The following ZNF208 variants were observed in gnomAD, a reference collection of about 807,000 sequenced individuals.
ZNF208 encodes the protein zinc finger protein 95.
In ZNF208, 10 loss-of-function variants were observed where a neutral mutation model predicts 12.1. That is an observed-to-expected ratio of 0.83 (90% CI 0.51 to 1.40). The LOEUF (loss-of-function observed/expected upper bound fraction) is 1.40, where lower values mean the gene tolerates loss of function less well. Ranked by LOEUF, ZNF208 falls within the 40% of genes most tolerant of loss-of-function variation. The pLI is 0.00. For missense variants in ZNF208, 1,652 were observed against 1,485.0 expected (o/e 1.11, Z -1.85); for synonymous variants, 497 against 488.4 (o/e 1.02, Z -0.23).
chr19:21,973,082 GT>G lies in ZNF208; in HGVS notation c.1951del (p.Thr651ProfsTer35), dbSNP rs1276129951. ...ECGKTFIKVS[T>X]LTTHKAIHAG... ...ATGAATTGCCTTATGTGTAGTAAGG[GT>G]TGAGACCTTAATAAAGGTTTTGCCA... On this transcript the variant is annotated frameshift_variant, in exon 4 of 4. Coordinates refer to ENST00000397126, the MANE Select transcript of ZNF208 (RefSeq NM_007153.3). LOFTEE classifies it low-confidence loss of function (END_TRUNC). 6.3e-7 allele frequency: 1 copy of G among 1,594,082 alleles called. No individual in the cohort carries two copies. Among genetic ancestry groups the G allele is most frequent in the African/African-American group, 1.4e-5 (1 of 70,612 alleles).
At chr19:21,975,295 T>A (rs1363533453) in intron 3 of ZNF208, among the ~76,000 whole-genome samples, 2 of 152,212 alleles carry the variant, frequency 1.3e-5, no homozygotes, top group East Asian at 3.8e-4. Flanking sequence ...TATGGTGGTA[T>A]ACTTAGAAAT....
chr19:21,958,434 C>T (rs1332916546), intron 4 of ZNF208, among the ~76,000 whole-genome samples: 2 of 152,068 alleles, frequency 1.3e-5, no homozygotes, highest in East Asian at 1.9e-4. Flanking sequence ...AAATAAGGTG[C>T]CAATAACCCA....
chr19:21,959,368 C>G (rs1970026971), intron 4 of ZNF208, among the ~76,000 whole-genome samples: 2 of 152,162 alleles, frequency 1.3e-5, no homozygotes, highest in South Asian at 4.1e-4. Context: ...CTTACAATTA[C>G]CACATACTCA....
At chr19:21,979,252 G>A (rs982175369) in intron 3 of ZNF208, among the ~76,000 whole-genome samples, 1 of 152,144 alleles carries the variant, frequency 6.6e-6, no homozygotes, top group Non-Finnish European at 1.5e-5. Context: ...TCCTCGAGAA[G>A]AGCAACCCCA....
chr19:21,948,467 C>A (rs759394449), intron 4 of ZNF208, among the ~76,000 whole-genome samples: 16 of 152,124 alleles, frequency 1.1e-4, no homozygotes, highest in Non-Finnish European at 1.9e-4. Context: ...CTTCCAGGTG[C>A]CTCACCAGCC....
At chr19:22,007,866 T>TG (rs1244217840) in intron 1 of ZNF208, among the ~76,000 whole-genome samples, 2 of 151,822 alleles carry the variant, frequency 1.3e-5, no homozygotes, top group African/African-American at 4.8e-5. Flanking sequence ...TAGCCAGGTG[T>TG]GGTGGCAGGC....
chr19:21,945,052 C>T (rs1270775613), intron 4 of ZNF208, among the ~76,000 whole-genome samples: 1 of 152,170 alleles, frequency 6.6e-6, no homozygotes, highest in Non-Finnish European at 1.5e-5. Flanking sequence ...TAGTAAAAAG[C>T]ACACCTGTGG....
In ZNF208 at chr19:21,971,512, A is replaced by T; in HGVS notation, c.3522T>A (p.Cys1174Ter). 1 of 1,611,164 alleles carries T rather than the reference A, an allele frequency of 6.2e-7. No homozygotes were observed. The highest frequency in any genetic ancestry group is 1.1e-5 in the South Asian group (1 of 91,046). The change falls in exon 4 of 4, where the codon TGT becomes TGA. Residue 1174 changes from cysteine (C) to a stop codon, truncating the protein, a stop_gained. Transcript: ENST00000397126. LOFTEE classifies it low-confidence loss of function (END_TRUNC). ...TTGAGAACATAACAAAGCCTTTGCC[A>T]CATTCTTCACATTTGTAGGGTTTCT... ...TVEKPYKCEE[C>*]GKGFVMFSIL... is the part of the protein sequence containing the mutation.
intron 1 of ZNF208, among the ~76,000 whole-genome samples, chr19:22,008,755 G>A (rs1971093546): frequency 6.6e-6 from 1 of 152,100 alleles, no homozygotes; most frequent in Non-Finnish European, 1.5e-5. Flanking sequence ...AATATCTCAA[G>A]GGGTTAGCTT....
chr19:22,008,039 T>C (rs1485080342), intron 1 of ZNF208, among the ~76,000 whole-genome samples: 1 of 139,722 alleles, frequency 7.2e-6, no homozygotes, highest in Admixed American at 7.5e-5. Context: ...GCGCGGTGGC[T>C]CACACCTGTA....
intron 1 of ZNF208, among the ~76,000 whole-genome samples, chr19:22,002,410 T>C (rs1970969523): frequency 1.3e-5 from 2 of 152,118 alleles, no homozygotes; most frequent in South Asian, 2.1e-4. Context: ...CAAACTATCC[T>C]TATTTGCAAA....
At chr19:21,979,767 T>A (rs1406631418) in intron 3 of ZNF208, among the ~76,000 whole-genome samples, 1 of 152,072 alleles carries the variant, frequency 6.6e-6, no homozygotes, top group Admixed American at 6.5e-5. Context: ...AATGCCCCAA[T>A]TAAAAGACAC....
At position 22,010,706 on chromosome 19, in the gene ZNF208, G is replaced by C. The variant is rs1971132371; in HGVS notation, c.3+86C>G. 2.5e-6 allele frequency: 4 copies of C among 1,600,762 alleles called. No individual in the cohort carries two copies. In the East Asian group the frequency reaches 8.9e-5, roughly 36 times the overall value. ...GCACAGATGTGGAGCTGACTGCGGG[G>C]AGGCCTGAGTCCCGCCACAGCCACT... On this transcript the variant is annotated intron_variant, in intron 1 of 3. Coordinates refer to ENST00000397126, the MANE Select transcript of ZNF208 (RefSeq NM_007153.3).
At chr19:21,949,304 A>G (rs1483579406) in intron 4 of ZNF208, among the ~76,000 whole-genome samples, 2 of 152,308 alleles carry the variant, frequency 1.3e-5, no homozygotes, top group Admixed American at 6.5e-5. Context: ...ACTTTCCTCA[A>G]TTTATTAGCT....
chr19:21,985,615 T>C (rs1403555558), intron 3 of ZNF208, among the ~76,000 whole-genome samples: 4 of 152,142 alleles, frequency 2.6e-5, no homozygotes, highest in Non-Finnish European at 5.9e-5. Context: ...TCTGTAACCA[T>C]CCCAAACTCC....
downstream of ZNF208, among the ~76,000 whole-genome samples, chr19:21,961,290 G>T (rs916243946): frequency 6.6e-6 from 1 of 152,124 alleles, no homozygotes; most frequent in African/African-American, 2.4e-5. Context: ...TTTTATTAAG[G>T]ACTTCAAAAG....
In ZNF208 at chr19:21,970,778, T is replaced by C. The variant is rs1272133826; in HGVS notation, c.*413A>G. The C allele has an allele frequency of 4.9e-6, 7 of 1,418,366 alleles. No homozygotes were observed. Among genetic ancestry groups the C allele is most frequent in the Non-Finnish European group, 6.9e-6 (7 of 1,008,428 alleles). 87.9% of individuals were successfully genotyped at this position (1,418,366 alleles called of 1,614,324 possible). On this transcript the variant is annotated 3_prime_UTR_variant, in exon 4 of 4. Coordinates refer to ENST00000397126, the MANE Select transcript of ZNF208 (RefSeq NM_007153.3). The stretch of plus-strand genomic sequence containing the variant: ...TGCCAAATTCTTCACATTTTTAGAA[T>C]TTCTCTCCAGCATGAATTTTCTTAT...
chr19:21,975,823 CAAAAAAAAAA>C (rs532995268), intron 3 of ZNF208, among the ~76,000 whole-genome samples: 3 of 26,430 alleles, frequency 1.1e-4, no homozygotes, highest in South Asian at 3.0e-3. Flanking sequence ...AGTCAAAGTC[CAAAAAAAAAA>C]AAAAAAAAAA....
At chr19:21,985,902 C>A (rs1345001786) in intron 3 of ZNF208, among the ~76,000 whole-genome samples, 1 of 152,186 alleles carries the variant, frequency 6.6e-6, no homozygotes, top group Non-Finnish European at 1.5e-5. Context: ...ACTGCAGAAA[C>A]CTGCCCTAGC....
Sources: allele counts gnomAD v4.1 joint callset (sites outside exome capture counted in the v4.1 genomes callset), GRCh38; gene constraint gnomAD v4.1.1; transcripts MANE v1.5; gene names NCBI Gene and HGNC (gene_info 2026-07-23, HGNC 2026-07-21).